Variants in TEP1 observed in about 807,000 individuals in gnomAD.
TEP1 encodes telomerase protein component 1.
Under a neutral mutation model 306.3 loss-of-function variants are expected in TEP1, and 241 were observed. The ratio of observed to expected loss-of-function variants is 0.79; its 90% confidence interval spans 0.71 to 0.88. The LOEUF is 0.88. Among genes scored for constraint, TEP1 ranks in the 40% least tolerant of loss-of-function variants. The pLI is 0.00. For missense variants in TEP1, 3,051 were observed against 3,276.1 expected, an observed-to-expected ratio of 0.93 and a Z score of 1.68; for synonymous variants, 1,289 against 1,305.5, an observed-to-expected ratio of 0.99 and a Z score of 0.27.
chr14:20,384,331 G>A (rs1876915438), intron 23 of TEP1, 60 bp downstream of exon 23: 2 of 1,611,420 alleles, frequency 1.2e-6, no homozygotes. Context: ...TCCTCCCCAG[G>A]ACAACCCAGA....
chr14:20,384,354 C>T, intron 23 of TEP1, 37 bp downstream of exon 23: 1 of 1,612,994 alleles, frequency 6.2e-7, no homozygotes, highest in Non-Finnish European at 8.5e-7. Context: ...ACCCCATGTC[C>T]CTCTCCATGC....
intron 8 of TEP1, 148 bp downstream of exon 8, chr14:20,401,309 C>T (rs1348292385): frequency 7.3e-7 from 1 of 1,373,582 alleles, no homozygotes; most frequent in African/African-American, 1.5e-5. Context: ...AAAGGAAAGG[C>T]AGCAATTGGA....
intron 26 of TEP1, 30 bp from the exon 27 acceptor site, chr14:20,383,383 G>A (rs1482922113): frequency 6.2e-7 from 1 of 1,600,656 alleles, no homozygotes; most frequent in Non-Finnish European, 8.5e-7. Flanking sequence ...GGGCAGGAAG[G>A]TAGAAAGAAA....
In TEP1 at chr14:20,371,236, A is replaced by T; in HGVS notation, c.7299T>A (p.Pro2433=). Residue 2433 remains proline (P), a synonymous_variant, in exon 51 of 55, where the codon CCT becomes CCA. Coordinates refer to ENST00000262715, the MANE Select transcript of TEP1 (RefSeq NM_007110.5). ...YGIFVLQPKD[P]GVLSFLRQKE... is the part of the protein sequence containing the mutation. ...GACTTACCAAGAAAGAAAGAACTCCAGGATCCTTGGGCTGCAGGACAAATA... is the reference window on the plus strand; with the variant it reads ...GACTTACCAAGAAAGAAAGAACTCCTGGATCCTTGGGCTGCAGGACAAATA... 1 of 1,614,086 alleles carries T rather than the reference A, an allele frequency of 6.2e-7. No individual in the cohort carries two copies. The highest frequency in any genetic ancestry group is 8.5e-7 in the Non-Finnish European group (1 of 1,179,890).
Position 20,383,610 on chromosome 14 carries a change from G to A in TEP1, c.3745C>T (p.Pro1249Ser), listed in dbSNP as rs748098305. The A allele has an allele frequency of 1.2e-6, 2 of 1,613,630 alleles. No homozygotes were observed. The highest frequency in any genetic ancestry group is 1.7e-6 in the Non-Finnish European group (2 of 1,179,884). Residue 1249 changes from proline (P) to serine (S), a missense_variant, in exon 26 of 55, where the codon CCC (proline) becomes TCC (serine). Physicochemically the swap from Pro to Ser is moderately conservative, Grantham distance 74 (BLOSUM62 -1). Coordinates refer to ENST00000262715, the MANE Select transcript of TEP1 (RefSeq NM_007110.5). ...GGATGCAGGGACTCAGCAGACTTGG[G>A]CAGCAGCCTCTGCTGCAGCTCCCAC... ...LVWELQQRLL[P>S]KSAESLHPGQ...
intron 20 of TEP1, among the ~76,000 whole-genome samples, chr14:20,385,761 G>T (rs1048973546): frequency 3.3e-5 from 5 of 152,222 alleles, no homozygotes; most frequent in African/African-American, 1.2e-4. Context: ...CTAGGTCAGA[G>T]TAAGCTGCAT....
chr14:20,378,903 C>T (rs907786345), intron 36 of TEP1, 50 bp from the exon 37 acceptor site: 1 of 1,613,682 alleles, frequency 6.2e-7, no homozygotes, highest in African/African-American at 1.3e-5. Context: ...CATCAGCTCC[C>T]TCCTCATTTC....
At chr14:20,385,950 T>C in intron 20 of TEP1, 125 bp downstream of exon 20, 2 of 1,365,474 alleles carry the variant, frequency 1.5e-6, no homozygotes, top group Admixed American at 5.3e-5. Flanking sequence ...AGCCTGTATT[T>C]CACTTCAAGT....
intron 18 of TEP1, among the ~76,000 whole-genome samples, chr14:20,387,062 G>A (rs1877233371): frequency 6.6e-6 from 1 of 150,982 alleles, no homozygotes; most frequent in African/African-American, 2.4e-5. Context: ...AGCCTCCCCA[G>A]TAACTGGGAT....
At position 20,368,080 on chromosome 14, in the gene TEP1, C is replaced by T; in HGVS notation, c.*357G>A. The T allele has an allele frequency of 5.6e-6, 1 of 177,988 alleles. No individual in the cohort carries two copies. The highest frequency in any genetic ancestry group is 1.2e-5 in the Non-Finnish European group (1 of 83,000). 11.0% of individuals were successfully genotyped at this position (177,988 alleles called of 1,614,324 possible). A position where few individuals can be genotyped will look rare whatever the true frequency, so the allele number is the denominator to read the frequency against. On this transcript the variant is annotated 3_prime_UTR_variant, in exon 55 of 55. Transcript: ENST00000262715. ...GTTGGCCAACATCACTCTCATTCCT[C>T]CTCCTGGCAAGAATGGCATCCTAGG...
chr14:20,408,913 CCTGACCCCCG>C (rs1879417093), intron 1 of TEP1, among the ~76,000 whole-genome samples: 1 of 151,746 alleles, frequency 6.6e-6, no homozygotes, highest in South Asian at 2.1e-4. Context: ...ACCCAACCCC[CCTGACCCCCG>C]CTGCAGGACT....
At position 20,379,917 on chromosome 14, in the gene TEP1, T is replaced by G; in HGVS notation, c.5127+13A>C. 3 of 1,605,572 alleles carry G rather than the reference T, an allele frequency of 1.9e-6. No homozygotes were observed. Among genetic ancestry groups the G allele is most frequent in the Non-Finnish European group, 8.5e-7 (1 of 1,176,932 alleles). ...TTCAGAGGGTAAATTCTGCCCCTCC[T>G]TGATTGTCATACCTGCCAAGTTCTC... On this transcript the variant is annotated intron_variant, in intron 35 of 54. Transcript: ENST00000262715.
In TEP1 at chr14:20,383,363, T is replaced by C. The variant is rs769670309; in HGVS notation, c.3868-10A>G. ...GCACCAGGTGTACACACTGTGATATTTGGGCAAAGGGGCAGGAAGGTAGAA... is the reference window on the plus strand; with the variant it reads ...GCACCAGGTGTACACACTGTGATATCTGGGCAAAGGGGCAGGAAGGTAGAA... On this transcript the variant is annotated splice_polypyrimidine_tract_variant and intron_variant, in intron 26 of 54. Transcript: ENST00000262715. 2.5e-6 allele frequency: 4 copies of C among 1,602,228 alleles called. No homozygotes were observed. In the East Asian group the frequency reaches 6.7e-5, roughly 27 times the overall value.
chr14:20,389,825 G>C, intron 15 of TEP1, 85 bp from the exon 16 acceptor site: 1 of 1,547,652 alleles, frequency 6.5e-7, no homozygotes, highest in Non-Finnish European at 8.8e-7. Flanking sequence ...GAGGACAGGA[G>C]GATTAGGAGA....
In TEP1 at chr14:20,374,505, A is replaced by T; in HGVS notation, c.6395T>A (p.Leu2132His). Reference protein sequence around the residue: ...ISCSSDGSVGLWDPESGQRLG... With the variant: ...ISCSSDGSVGHWDPESGQRLG... ...CCGCTGTCCTGACTCTGGGTCCCAG[A>T]GCCCCACAGAGCCATCACTGGAGCA... Residue 2132 changes from leucine to histidine, a missense_variant, in exon 44 of 55, where the codon CTC (leucine) becomes CAC (histidine). By Grantham distance (99) the Leu-to-His change is moderately conservative (BLOSUM62 -3). Around this residue, in one of 3 missense-constraint regions of TEP1, gnomAD observed 1,540 missense variants for 1,705.9 expected, o/e 0.90. Transcript: ENST00000262715. 6.2e-7 allele frequency: 1 copy of T among 1,613,408 alleles called. No homozygotes were observed.
rs760136077 is a variant in TEP1, at chr14:20,385,114, G to A, written c.2983-5C>T. 2.9e-5 allele frequency: 47 copies of A among 1,613,594 alleles called. No individual in the cohort carries two copies. The Admixed American group carries it at 4.2e-4, about 14-fold the overall frequency. ...CCCTGAAGGGTACTGCTGGGCCTGCGGGGAGGACAGAGACAGTGAGTTTAG... is the reference window on the plus strand; with the variant it reads ...CCCTGAAGGGTACTGCTGGGCCTGCAGGGAGGACAGAGACAGTGAGTTTAG... On this transcript the variant is annotated splice_region_variant and splice_polypyrimidine_tract_variant and intron_variant, in intron 20 of 54. Transcript: ENST00000262715.
intron 17 of TEP1, 26 bp downstream of exon 17, chr14:20,389,212 C>T (rs753682234): frequency 2.5e-6 from 4 of 1,608,332 alleles, no homozygotes; most frequent in Non-Finnish European, 3.4e-6. Context: ...AAGTATCCAA[C>T]CCTTCAGTAT....
intron 41 of TEP1, 34 bp from the exon 42 acceptor site, chr14:20,376,298 T>C (rs1458057926): frequency 1.3e-6 from 2 of 1,596,726 alleles, no homozygotes; most frequent in Admixed American, 1.7e-5. Context: ...AACAGCTTCC[T>C]GAAAGAGGAA....
chr14:20,387,471 G>A (rs1877292732), intron 18 of TEP1, among the ~76,000 whole-genome samples: 1 of 149,954 alleles, frequency 6.7e-6, no homozygotes, highest in African/African-American at 2.5e-5. Flanking sequence ...AGAATGGTGT[G>A]AACCCAGGAG....
Sources: allele counts gnomAD v4.1 joint callset (sites outside exome capture counted in the v4.1 genomes callset), GRCh38; gene constraint gnomAD v4.1.1; regional missense constraint gnomAD v4.1.1; transcripts MANE v1.5; gene names NCBI Gene and HGNC (gene_info 2026-07-23, HGNC 2026-07-21).